Variants in CHN1 observed in about 807,000 individuals in gnomAD.
CHN1 encodes the protein N-chimaerin.
CHN1 carries 37 observed loss-of-function variants against 59.5 expected under a neutral mutation model. The observed-to-expected ratio is 0.62, with a 90% confidence interval of 0.48 to 0.82. The LOEUF is 0.82. Ranked by LOEUF, CHN1 falls within the 40% of genes least tolerant of loss-of-function variation. CHN1 has a pLI of 0.00. For synonymous variants in CHN1, 206 were observed against 200.4 expected (o/e 1.03, Z -0.24); for missense variants, 469 against 571.0 (o/e 0.82, Z 1.82).
At chr2:174,875,954 T>A in intron 6 of CHN1, 2 of 351,442 alleles carry the variant, frequency 5.7e-6, no homozygotes, top group Non-Finnish European at 8.0e-6. Context: ...AGAGTAATTT[T>A]AAAAATGATT....
intron 5 of CHN1, among the ~76,000 whole-genome samples, chr2:174,896,794 A>C (rs1164952100): frequency 6.6e-6 from 1 of 152,142 alleles, no homozygotes; most frequent in Non-Finnish European, 1.5e-5. Context: ...TCCTGTTTCC[A>C]ACACCACTGT....
chr2:175,005,012 G>T lies in CHN1; in HGVS notation c.-100C>A. On this transcript the variant is annotated 5_prime_UTR_variant, in exon 1 of 13. Coordinates refer to ENST00000409900, the MANE Select transcript of CHN1 (RefSeq NM_001822.7). ...CCGCACCCACACCTCGGAGAGAGTG[G>T]GGTGCCCGATGGGGCGTGCTGGGGG... 2.0e-6 allele frequency: 3 copies of T among 1,487,844 alleles called. No homozygotes were observed. The highest frequency in any genetic ancestry group is 1.2e-5 in the South Asian group (1 of 80,422). The allele number at this position is 1,487,844 out of a possible 1,614,324, so 92.2% of individuals were successfully genotyped here.
intron 8 of CHN1, among the ~76,000 whole-genome samples, chr2:174,822,102 T>C (rs1183656213): frequency 6.6e-6 from 1 of 152,224 alleles, no homozygotes; most frequent in Non-Finnish European, 1.5e-5. Context: ...TATAATTAGT[T>C]GTCATAGAAA....
chr2:174,816,186 T>C (rs905797271), intron 8 of CHN1, among the ~76,000 whole-genome samples: 6 of 152,220 alleles, frequency 3.9e-5, no homozygotes, highest in African/African-American at 1.2e-4. Flanking sequence ...GCTCTCCCCA[T>C]AGACTTGGGC....
intron 7 of CHN1, among the ~76,000 whole-genome samples, chr2:174,831,460 TAC>T (rs1685876553): frequency 6.6e-6 from 1 of 152,118 alleles, no homozygotes; most frequent in African/African-American, 2.4e-5. Flanking sequence ...AGTGGCCCCT[TAC>T]ACAGAACCAT....
Position 174,847,691 on chromosome 2 carries a change from T to C in CHN1, c.550-734A>G, listed in dbSNP as rs756835524. ...ATAACCAATGAAAATCAAGCAACAG[T>C]ATTTAAGTACTGTATTCCTAAACTC... On this transcript the variant is annotated intron_variant, in intron 6 of 12. Transcript: ENST00000409900. The C allele has an allele frequency of 1.6e-5, 20 of 1,273,858 alleles. 1 individual carries two copies. The South Asian group carries it at 2.5e-4, about 16-fold the overall frequency. The allele number at this position is 1,273,858 out of a possible 1,614,324, so 78.9% of individuals were successfully genotyped here.
chr2:174,901,327 C>T (rs963130484), intron 5 of CHN1, among the ~76,000 whole-genome samples: 1 of 152,222 alleles, frequency 6.6e-6, no homozygotes, highest in Admixed American at 6.5e-5. Context: ...CTTCTAGGTT[C>T]TTTCTCTTTG....
At chr2:174,892,836 A>G (rs1176542131) in intron 5 of CHN1, among the ~76,000 whole-genome samples, 1 of 152,206 alleles carries the variant, frequency 6.6e-6, no homozygotes, top group Admixed American at 6.5e-5. Flanking sequence ...AATACACTAC[A>G]TTGACAAAAT....
chr2:174,998,987 T>A (rs1036827079), intron 1 of CHN1, among the ~76,000 whole-genome samples: 1 of 152,190 alleles, frequency 6.6e-6, no homozygotes, highest in African/African-American at 2.4e-5. Context: ...TTTAGTGTAT[T>A]CACAAAGTAT....
At chr2:174,896,446 G>T (rs1247896763) in intron 5 of CHN1, among the ~76,000 whole-genome samples, 3 of 152,076 alleles carry the variant, frequency 2.0e-5, no homozygotes, top group Admixed American at 1.3e-4. Context: ...TTAAATCACG[G>T]TTTTCTAAAA....
At chr2:174,979,254 TGA>T (rs139732071) in intron 1 of CHN1, among the ~76,000 whole-genome samples, 2,913 of 152,182 alleles carry the variant, frequency 0.019, 97 homozygotes, top group African/African-American at 0.067. Context: ...TATAGGAAAA[TGA>T]GAGGTGTTAG....
At chr2:174,877,326 G>C (rs1016203886) in intron 6 of CHN1, among the ~76,000 whole-genome samples, 1 of 151,954 alleles carries the variant, frequency 6.6e-6, no homozygotes, top group Admixed American at 6.6e-5. Context: ...ATTATAAAGA[G>C]ATAAATCCTC....
chr2:174,878,248 A>G, intron 5 of CHN1, 120 bp from the exon 6 acceptor site: 1 of 888,378 alleles, frequency 1.1e-6, no homozygotes, highest in Non-Finnish European at 1.6e-6. Flanking sequence ...TCTTTGTTTA[A>G]ATAAGCTGTG....
Position 175,005,312 on chromosome 2 carries a change from C to T in CHN1, c.-400G>A, listed in dbSNP as rs752085991. On this transcript the variant is annotated 5_prime_UTR_variant, in exon 1 of 13. Transcript: ENST00000409900. ...GGAGAGCAGCAGCAGCCTCGCACAGCCCCCGGCGGGGCGCGCTCACTCCGC... is the reference window on the plus strand; with the variant it reads ...GGAGAGCAGCAGCAGCCTCGCACAGTCCCCGGCGGGGCGCGCTCACTCCGC... 1 of 1,186,436 alleles carries T rather than the reference C, an allele frequency of 8.4e-7. No homozygotes were observed. Among genetic ancestry groups the T allele is most frequent in the South Asian group, 1.7e-5 (1 of 58,684 alleles). The allele number at this position is 1,186,436 out of a possible 1,614,324, so 73.5% of individuals were successfully genotyped here.
intron 1 of CHN1, among the ~76,000 whole-genome samples, chr2:174,959,092 A>G (rs1690314256): frequency 6.6e-6 from 1 of 152,208 alleles, no homozygotes; most frequent in Non-Finnish European, 1.5e-5. Context: ...ATTCTAATTA[A>G]TGACATTTAA....
At chr2:174,965,128 A>G (rs1368724218) in intron 1 of CHN1, among the ~76,000 whole-genome samples, 1 of 152,096 alleles carries the variant, frequency 6.6e-6, no homozygotes, top group East Asian at 1.9e-4. Flanking sequence ...GACTGATAGG[A>G]TTAAATTTAC....
At chr2:174,960,065 C>T (rs962473350) in intron 1 of CHN1, among the ~76,000 whole-genome samples, 1 of 152,110 alleles carries the variant, frequency 6.6e-6, no homozygotes, top group African/African-American at 2.4e-5. Flanking sequence ...GGGAAAGCCT[C>T]CTGGGGCTCA....
intron 1 of CHN1, 130 bp from the exon 2 acceptor site, chr2:174,952,332 G>T (rs2057045746): frequency 2.0e-6 from 1 of 490,116 alleles, no homozygotes. Context: ...GGCACTAAGG[G>T]GCATTCAAGG....
chr2:174,887,962 T>C (rs1431956463), intron 5 of CHN1, among the ~76,000 whole-genome samples: 1 of 152,170 alleles, frequency 6.6e-6, no homozygotes, highest in Non-Finnish European at 1.5e-5. Flanking sequence ...TGGAGGACCT[T>C]AGTTCATTTT....
Sources: allele counts gnomAD v4.1 joint callset (sites outside exome capture counted in the v4.1 genomes callset), GRCh38; gene constraint gnomAD v4.1.1; transcripts MANE v1.5; gene names NCBI Gene and HGNC (gene_info 2026-07-23, HGNC 2026-07-21).